The following NR2C2 variants were observed in gnomAD, a reference collection of about 807,000 sequenced individuals.
NR2C2 encodes the protein nuclear receptor subfamily 2 group C member 2, also known as Nuclear hormone receptor TR4.
A neutral mutation model predicts 62.9 loss-of-function variants in NR2C2; 6 were observed. The observed-to-expected ratio is 0.10, with a 90% confidence interval of 0.05 to 0.19. The LOEUF (loss-of-function observed/expected upper bound fraction) is 0.19. Ranked by LOEUF, NR2C2 falls within the 10% of genes least tolerant of loss-of-function variation. The pLI is 1.00. For missense variants in NR2C2, 479 were observed against 762.7 expected (o/e 0.63, Z 4.38); for synonymous variants, 272 against 273.8 (o/e 0.99, Z 0.07).
intron 2 of NR2C2, among the ~76,000 whole-genome samples, chr3:15,006,711 C>T (rs2124947382): frequency 6.6e-6 from 1 of 152,196 alleles, no homozygotes; most frequent in African/African-American, 2.4e-5. Flanking sequence ...TTCCATATAC[C>T]AGAACATTTC....
intron 10 of NR2C2, 114 bp from the exon 11 acceptor site, chr3:15,034,556 A>G: frequency 9.3e-7 from 1 of 1,075,026 alleles, no homozygotes; most frequent in Non-Finnish European, 1.3e-6. Flanking sequence ...CACTTCAATA[A>G]ACACTTGCTG....
rs142712383 is a variant in NR2C2 at position 15,030,471 on chromosome 3, A to T, written c.1110+19A>T. 19 of 1,553,862 alleles carry T rather than the reference A, an allele frequency of 1.2e-5. No individual in the cohort carries two copies. In the African/African-American group the frequency reaches 2.5e-4, roughly 20 times the overall value. On this transcript the variant is annotated intron_variant, in intron 9 of 13. Coordinates refer to ENST00000425241, the MANE Select transcript of NR2C2 (RefSeq NM_001291694.2). Reference sequence around the variant, plus strand: ...ATTTAAGGTGAGTGAATTCAGCCTAACCATGTGCCCCCAACCTGCTGGGGG... The same window carrying T: ...ATTTAAGGTGAGTGAATTCAGCCTATCCATGTGCCCCCAACCTGCTGGGGG...
At chr3:14,954,874 A>C (rs1241732029) in intron 1 of NR2C2, among the ~76,000 whole-genome samples, 1 of 152,192 alleles carries the variant, frequency 6.6e-6, no homozygotes, top group Non-Finnish European at 1.5e-5. Context: ...TCTGCCGCCC[A>C]GGCCGGAGTG....
chr3:15,004,664 T>C, intron 2 of NR2C2: 1 of 1,592,524 alleles, frequency 6.3e-7, no homozygotes, highest in African/African-American at 1.3e-5. Context: ...GGATAATATA[T>C]TGATGACAAA....
chr3:15,023,728 T>G (rs774932893), intron 6 of NR2C2, among the ~76,000 whole-genome samples: 3 of 152,220 alleles, frequency 2.0e-5, no homozygotes, highest in Non-Finnish European at 2.9e-5. Flanking sequence ...TCTATTGAAC[T>G]TACTTTAAAA....
At chr3:14,981,493 C>T (rs950450481) in intron 1 of NR2C2, among the ~76,000 whole-genome samples, 1 of 149,716 alleles carries the variant, frequency 6.7e-6, no homozygotes, top group African/African-American at 2.5e-5. Context: ...CTCCCAGCTA[C>T]GTGGGAGACT....
rs766697831 is a variant in NR2C2 at position 15,028,674 on chromosome 3, C to T, written c.887C>T (p.Thr296Ile). The T allele has an allele frequency of 6.2e-7, 1 of 1,614,138 alleles. No individual in the cohort carries two copies. Among genetic ancestry groups the T allele is most frequent in the South Asian group, 1.1e-5 (1 of 91,082 alleles). ...AGTGAATCTTTGAACAACGGTGACA[C>T]TTCAGAAATCCAGCCAGAGGACCAG... is the stretch of plus-strand genomic sequence containing the variant. ...NLSESLNNGD[T>I]SEIQPEDQSA... The change falls in exon 8 of 14, where the codon ACT becomes ATT. Residue 296 changes from threonine to isoleucine, a missense_variant. Coordinates refer to ENST00000425241, the MANE Select transcript of NR2C2 (RefSeq NM_001291694.2).
chr3:15,037,287 T>TCTCAAACTCCTGGC (rs1452798317), intron 11 of NR2C2, among the ~76,000 whole-genome samples: 1 of 152,000 alleles, frequency 6.6e-6, no homozygotes, highest in Non-Finnish European at 1.5e-5. Context: ...CTCAAGCTGG[T>TCTCAAACTCCTGGC]CTCAAACTCC....
intron 1 of NR2C2, among the ~76,000 whole-genome samples, chr3:14,981,970 G>T (rs766382565): frequency 6.6e-6 from 1 of 152,094 alleles, no homozygotes; most frequent in Non-Finnish European, 1.5e-5. Flanking sequence ...TCAGATTGAG[G>T]GTGGGTCTGC....
At chr3:14,993,397 T>A (rs2040724572) in intron 1 of NR2C2, among the ~76,000 whole-genome samples, 1 of 149,754 alleles carries the variant, frequency 6.7e-6, no homozygotes, top group South Asian at 2.1e-4. Flanking sequence ...GAGGTTACAG[T>A]GAGCCGAAGC....
chr3:15,026,733 CTT>C (rs1285952231), intron 7 of NR2C2: 5 of 152,092 alleles, frequency 3.3e-5, no homozygotes, highest in Non-Finnish European at 5.9e-5. Flanking sequence ...GAGTTTCGCT[CTT>C]GTTTCCTTGG....
rs2042411768 is a variant in NR2C2, at chr3:15,045,335, C to G, written c.*2327C>G. The G allele has an allele frequency of 6.6e-6, 1 of 152,638 alleles. No individual in the cohort carries two copies. Among genetic ancestry groups the G allele is most frequent in the African/African-American group, 2.4e-5 (1 of 41,456 alleles). The allele number at this position is 152,638 out of a possible 1,614,324, so 9.5% of individuals were successfully genotyped here. A position where few individuals can be genotyped will look rare whatever the true frequency, so the allele number is the denominator to read the frequency against. ...CCCCTCCTCTCATTCCCAGGTCATT[C>G]AGTGGCAGCCAGTAGGCTGCTTAGA... On this transcript the variant is annotated 3_prime_UTR_variant, in exon 14 of 14. Coordinates refer to ENST00000425241, the MANE Select transcript of NR2C2 (RefSeq NM_001291694.2).
intron 1 of NR2C2, among the ~76,000 whole-genome samples, chr3:14,961,222 T>C (rs1320768360): frequency 1.3e-5 from 2 of 152,206 alleles, no homozygotes; most frequent in African/African-American, 2.4e-5. Flanking sequence ...AAATATGAAT[T>C]AGAATTATCA....
intron 1 of NR2C2, among the ~76,000 whole-genome samples, chr3:14,960,556 TAGAA>T (rs1351206931): frequency 1.3e-5 from 2 of 152,234 alleles, no homozygotes; most frequent in African/African-American, 4.8e-5. Flanking sequence ...GGGAACCCAA[TAGAA>T]AGATACACCT....
At chr3:14,971,437 A>G (rs968631035) in intron 1 of NR2C2, among the ~76,000 whole-genome samples, 10 of 151,646 alleles carry the variant, frequency 6.6e-5, no homozygotes, top group African/African-American at 2.2e-4. Context: ...TTTTTGACTT[A>G]ATGACATTTT....
At chr3:14,964,135 C>G (rs1167414038) in intron 1 of NR2C2, among the ~76,000 whole-genome samples, 1 of 152,076 alleles carries the variant, frequency 6.6e-6, no homozygotes, top group Non-Finnish European at 1.5e-5. Flanking sequence ...CAGTTTTACC[C>G]TAGGCTAATC....
intron 4 of NR2C2, 76 bp from the exon 5 acceptor site, chr3:15,020,677 G>A (rs1253749874): frequency 3.4e-5 from 52 of 1,530,046 alleles, no homozygotes; most frequent in Non-Finnish European, 4.5e-5. Context: ...ACTTGCACAG[G>A]AACTGACAGA....
intron 2 of NR2C2, among the ~76,000 whole-genome samples, chr3:15,006,669 G>C (rs886463628): frequency 6.6e-6 from 1 of 152,016 alleles, no homozygotes. Context: ...GGGCCTGATA[G>C]CAGTTCCCAA....
chr3:15,035,108 A>G (rs971146966), intron 11 of NR2C2, among the ~76,000 whole-genome samples: 3 of 152,166 alleles, frequency 2.0e-5, no homozygotes, highest in Non-Finnish European at 4.4e-5. Context: ...TCTGGGCAAC[A>G]TAACGAGACC....
Sources: gnomAD v4.1 joint callset for allele counts (sites outside exome capture counted in the v4.1 genomes callset) on GRCh38, gnomAD v4.1.1 for gene constraint, MANE v1.5 for transcripts, NCBI Gene and HGNC (gene_info 2026-07-23, HGNC 2026-07-21) for gene names.